The following GALNTL6 variants were observed in gnomAD, a reference collection of about 807,000 sequenced individuals.
The protein encoded by GALNTL6 is polypeptide N-acetylgalactosaminyltransferase-like 6.
In GALNTL6, 46 loss-of-function variants were observed where a neutral mutation model predicts 73.7. The ratio of observed to expected loss-of-function variants is 0.62; its 90% CI spans 0.49 to 0.80. GALNTL6 has a LOEUF of 0.80. Among genes scored for constraint, GALNTL6 ranks in the 30% least tolerant of loss-of-function variants. GALNTL6 has a pLI of 0.00. For synonymous variants in GALNTL6, 259 were observed against 263.7 expected (o/e 0.98, Z 0.17); for missense variants, 604 against 755.0 (o/e 0.80, Z 2.34).
At chr4:172,712,042 TTAGG>T (rs1438713281) in intron 5 of GALNTL6, among the ~76,000 whole-genome samples, 1 of 152,068 alleles carries the variant, frequency 6.6e-6, no homozygotes, top group Non-Finnish European at 1.5e-5. Context: ...TAAGAGTGAA[TTAGG>T]TAGGTTTAAC....
intron 8 of GALNTL6, among the ~76,000 whole-genome samples, chr4:172,893,361 C>T (rs1291011289): frequency 1.5e-4 from 23 of 151,598 alleles, no homozygotes; most frequent in African/African-American, 5.4e-4. Flanking sequence ...GGGGGTCTTC[C>T]CCTTCTCAAA....
At chr4:172,569,394 T>C (rs1736680071) in intron 5 of GALNTL6, among the ~76,000 whole-genome samples, 1 of 152,182 alleles carries the variant, frequency 6.6e-6, no homozygotes, top group South Asian at 2.1e-4. Flanking sequence ...CTCCAAATAC[T>C]GTCATATTAC....
intron 8 of GALNTL6, among the ~76,000 whole-genome samples, chr4:172,929,843 T>A (rs1332975145): frequency 1.3e-5 from 2 of 152,344 alleles, no homozygotes; most frequent in East Asian, 3.9e-4. Flanking sequence ...ATAGCCTATA[T>A]GAAGCCTGGA....
At chr4:172,096,554 C>T (rs1163377530) in intron 2 of GALNTL6, among the ~76,000 whole-genome samples, 1 of 150,016 alleles carries the variant, frequency 6.7e-6, no homozygotes, top group African/African-American at 2.4e-5. Context: ...AAAAACCTTA[C>T]TATTTGCTTA....
intron 5 of GALNTL6, among the ~76,000 whole-genome samples, chr4:172,737,894 C>A (rs1222726435): frequency 6.6e-6 from 1 of 152,106 alleles, no homozygotes; most frequent in Non-Finnish European, 1.5e-5. Flanking sequence ...GGGAAGGTCC[C>A]AAAAGTATTA....
chr4:172,663,836 A>AT (rs1408344025), intron 5 of GALNTL6, among the ~76,000 whole-genome samples: 1 of 151,940 alleles, frequency 6.6e-6, no homozygotes, highest in African/African-American at 2.4e-5. Context: ...AGGCTGAGGC[A>AT]TGAGAATCGC....
intron 5 of GALNTL6, among the ~76,000 whole-genome samples, chr4:172,771,308 T>G (rs1738747838): frequency 6.6e-6 from 1 of 152,168 alleles, no homozygotes. Context: ...AATTTGAAAC[T>G]GAAGTGAAAA....
intron 5 of GALNTL6, among the ~76,000 whole-genome samples, chr4:172,759,917 A>G (rs921914314): frequency 1.2e-4 from 17 of 137,504 alleles, no homozygotes; most frequent in African/African-American, 4.8e-4. Context: ...GCTCACTGCA[A>G]GCTCTGCTTC....
chr4:172,838,706 C>T (rs1262114860), intron 7 of GALNTL6, among the ~76,000 whole-genome samples: 2 of 152,112 alleles, frequency 1.3e-5, no homozygotes, highest in African/African-American at 4.8e-5. Context: ...CATCTTTCAC[C>T]CCTCCCTACT....
chr4:172,551,493 C>T (rs1735953264), intron 5 of GALNTL6, among the ~76,000 whole-genome samples: 1 of 151,994 alleles, frequency 6.6e-6, no homozygotes. Context: ...ATTCATCTTT[C>T]TGTCCATTTG....
intron 2 of GALNTL6, among the ~76,000 whole-genome samples, chr4:171,830,580 AG>A (rs1430020125): frequency 6.6e-6 from 1 of 152,174 alleles, no homozygotes; most frequent in Non-Finnish European, 1.5e-5. Context: ...AATATAAGCA[AG>A]TAAACAGTTG....
At chr4:172,192,827 A>T (rs866411964) in intron 2 of GALNTL6, among the ~76,000 whole-genome samples, 9 of 152,266 alleles carry the variant, frequency 5.9e-5, no homozygotes, top group Middle Eastern at 3.4e-3. Context: ...GGGTGCCTGC[A>T]ACCACTGTGG....
intron 5 of GALNTL6, among the ~76,000 whole-genome samples, chr4:172,740,661 G>T (rs1234888864): frequency 1.3e-5 from 2 of 151,852 alleles, no homozygotes; most frequent in Non-Finnish European, 2.9e-5. Flanking sequence ...TCTTTTTTGT[G>T]GTCTACTTAA....
At chr4:172,780,383 T>A (rs1035804504) in intron 5 of GALNTL6, among the ~76,000 whole-genome samples, 1 of 152,198 alleles carries the variant, frequency 6.6e-6, no homozygotes, top group African/African-American at 2.4e-5. Flanking sequence ...TTTGGGCAGG[T>A]AAACTTACCA....
intron 2 of GALNTL6, among the ~76,000 whole-genome samples, chr4:172,148,063 CAT>C (rs1560942026): frequency 6.6e-6 from 1 of 152,068 alleles, no homozygotes; most frequent in Non-Finnish European, 1.5e-5. Flanking sequence ...CTCTTTAAAT[CAT>C]AACATGGTAT....
chr4:172,201,174 G>GTTT lies in GALNTL6; in HGVS notation c.139-28480_139-28479insTTT, dbSNP rs568015820. ...TTGTTCCCTAATGCTTTAGTTGGGA[G>GTTT]TTGTTTTTTTTTTTGGTTTGTTTGT... On this transcript the variant is annotated intron_variant, in intron 2 of 12. Transcript: ENST00000506823. 3.6e-3 allele frequency among the ~76,000 whole-genome samples: 549 copies of GTTT among 151,044 alleles called. 3 individuals carry two copies. The highest frequency in any genetic ancestry group is 0.013 in the African/African-American group (514 of 40,842).
chr4:172,481,390 G>C (rs1030913776), intron 5 of GALNTL6, among the ~76,000 whole-genome samples: 6 of 123,136 alleles, frequency 4.9e-5, no homozygotes, highest in Non-Finnish European at 7.6e-5. Context: ...AAGAGCAAAA[G>C]AGCAAAGCTT....
intron 3 of GALNTL6, among the ~76,000 whole-genome samples, chr4:172,298,144 G>A (rs2111114738): frequency 6.6e-6 from 1 of 152,038 alleles, no homozygotes; most frequent in South Asian, 2.1e-4. Context: ...TCATGATTTG[G>A]CTCTCTGTTT....
chr4:172,730,491 A>G (rs958429104), intron 5 of GALNTL6, among the ~76,000 whole-genome samples: 2 of 152,138 alleles, frequency 1.3e-5, no homozygotes, highest in Non-Finnish European at 2.9e-5. Context: ...AAATAATCAT[A>G]TGGTTTTGTT....
Sources: allele counts gnomAD v4.1 joint callset (sites outside exome capture counted in the v4.1 genomes callset), GRCh38; gene constraint gnomAD v4.1.1; transcripts MANE v1.5; gene names NCBI Gene and HGNC (gene_info 2026-07-23, HGNC 2026-07-21).